Variants in GALNT13 observed in about 807,000 individuals in gnomAD.
GALNT13 encodes UDP-GalNAc:polypeptide N-acetylgalactosaminyltransferase 13.
Under a neutral mutation model 64.2 loss-of-function variants are expected in GALNT13, and 28 were observed. That is an observed-to-expected ratio of 0.44 (90% confidence interval 0.32 to 0.60). GALNT13 has a LOEUF of 0.60. Among genes scored for constraint, GALNT13 ranks in the 20% least tolerant of loss-of-function variants. GALNT13 has a pLI of 0.05. For synonymous variants in GALNT13, 214 were observed against 224.6 expected (o/e 0.95, Z 0.42); for missense variants, 577 against 669.8 (o/e 0.86, Z 1.53).
intron 3 of GALNT13, among the ~76,000 whole-genome samples, chr2:154,056,710 G>T (rs1191419574): frequency 6.6e-6 from 1 of 152,092 alleles, no homozygotes; most frequent in Non-Finnish European, 1.5e-5. Flanking sequence ...GGTTCCCTGA[G>T]TATGTTAGTA....
the GALNT13 span, among the ~76,000 whole-genome samples, chr2:153,841,680 TA>T: frequency 1.3e-5 from 2 of 152,156 alleles, no homozygotes; most frequent in African/African-American, 4.8e-5. Flanking sequence ...ACTCTCATAA[TA>T]TTTATTATAC....
the GALNT13 span, among the ~76,000 whole-genome samples, chr2:153,841,490 C>T: frequency 6.6e-6 from 1 of 152,152 alleles, no homozygotes; most frequent in African/African-American, 2.4e-5. Flanking sequence ...GAAACATACA[C>T]AGTCATCATA....
chr2:154,233,824 G>C (rs187142605), intron 4 of GALNT13, among the ~76,000 whole-genome samples: 1 of 152,046 alleles, frequency 6.6e-6, no homozygotes, highest in Admixed American at 6.6e-5. Context: ...TTAGTAGGAG[G>C]GGGTGCAAGA....
the GALNT13 span, among the ~76,000 whole-genome samples, chr2:153,332,203 C>A: frequency 6.6e-6 from 1 of 151,970 alleles, no homozygotes; most frequent in Non-Finnish European, 1.5e-5. Context: ...TTAGTTATTT[C>A]TTTTCTTCTG....
At chr2:153,787,905 G>A in the GALNT13 span, among the ~76,000 whole-genome samples, 38 of 152,024 alleles carry the variant, frequency 2.5e-4, no homozygotes, top group African/African-American at 8.9e-4. Context: ...GAACAGAAGG[G>A]AACAAGCAAA....
At chr2:154,397,723 T>G (rs1304768843) in intron 10 of GALNT13, among the ~76,000 whole-genome samples, 4 of 152,204 alleles carry the variant, frequency 2.6e-5, no homozygotes, top group Non-Finnish European at 5.9e-5. Flanking sequence ...ATTCATGCCT[T>G]ATTGTCCAAG....
At chr2:153,308,913 GA>G in the GALNT13 span, among the ~76,000 whole-genome samples, 1 of 152,042 alleles carries the variant, frequency 6.6e-6, no homozygotes, top group South Asian at 2.1e-4. Context: ...ATACAGGAGA[GA>G]AAGAGAAAAA....
At chr2:153,600,583 C>A in the GALNT13 span, among the ~76,000 whole-genome samples, 8 of 151,890 alleles carry the variant, frequency 5.3e-5, no homozygotes, top group Non-Finnish European at 1.0e-4. Context: ...ATTTGTGCTT[C>A]GTTTCTATGA....
the GALNT13 span, among the ~76,000 whole-genome samples, chr2:153,628,856 C>A: frequency 6.6e-6 from 1 of 152,036 alleles, no homozygotes. Context: ...TGATGCTGGC[C>A]TCATAAAATG....
the GALNT13 span, among the ~76,000 whole-genome samples, chr2:153,193,475 T>A: frequency 6.8e-6 from 1 of 147,440 alleles, no homozygotes; most frequent in Non-Finnish European, 1.5e-5. Context: ...AGGGATAGCA[T>A]TGGGAGATAT....
chr2:153,432,486 G>C, the GALNT13 span, among the ~76,000 whole-genome samples: 1 of 152,186 alleles, frequency 6.6e-6, no homozygotes, highest in African/African-American at 2.4e-5. Context: ...CACCTTTTCA[G>C]AAAGTATTTG....
At chr2:153,734,408 A>G in the GALNT13 span, among the ~76,000 whole-genome samples, 1 of 152,132 alleles carries the variant, frequency 6.6e-6, no homozygotes, top group Non-Finnish European at 1.5e-5. Flanking sequence ...CACAGATCTG[A>G]TAAGTCTAAT....
chr2:153,358,071 C>A, the GALNT13 span, among the ~76,000 whole-genome samples: 2 of 152,108 alleles, frequency 1.3e-5, no homozygotes, highest in African/African-American at 4.8e-5. Flanking sequence ...TACCCATGTG[C>A]TTGCAGTTCT....
At chr2:153,125,922 T>C in the GALNT13 span, among the ~76,000 whole-genome samples, 1 of 152,126 alleles carries the variant, frequency 6.6e-6, no homozygotes, top group African/African-American at 2.4e-5. Context: ...AGTGTGATGA[T>C]AACATAGAGA....
the GALNT13 span, among the ~76,000 whole-genome samples, chr2:153,533,717 G>GTTTTTTTTTTTTTT: frequency 1.7e-4 from 4 of 24,036 alleles, no homozygotes; most frequent in African/African-American, 1.8e-4. Flanking sequence ...ATATCCTGAG[G>GTTTTTTTTTTTTTT]TTTTTCTTTT....
intron 3 of GALNT13, among the ~76,000 whole-genome samples, chr2:154,017,279 T>A (rs1697073117): frequency 6.6e-6 from 1 of 152,156 alleles, no homozygotes; most frequent in South Asian, 2.1e-4. Context: ...AATACTGGCA[T>A]TATATTAGTT....
the GALNT13 span, among the ~76,000 whole-genome samples, chr2:153,079,642 C>T: frequency 6.6e-6 from 1 of 152,140 alleles, no homozygotes; most frequent in Non-Finnish European, 1.5e-5. Flanking sequence ...TGGGGTATAT[C>T]TGAACTGAGG....
At chr2:153,080,527 A>T in the GALNT13 span, among the ~76,000 whole-genome samples, 1 of 152,062 alleles carries the variant, frequency 6.6e-6, no homozygotes, top group Non-Finnish European at 1.5e-5. Flanking sequence ...TTTGGTATTG[A>T]TCTACCATTT....
chr2:153,324,511 C>T, the GALNT13 span, among the ~76,000 whole-genome samples: 82 of 152,174 alleles, frequency 5.4e-4, no homozygotes, highest in Non-Finnish European at 9.8e-4. Context: ...ATTGCCCTGG[C>T]CAGAACTTCC....
Sources: allele counts gnomAD v4.1 joint callset (sites outside exome capture counted in the v4.1 genomes callset), GRCh38; gene constraint gnomAD v4.1.1; transcripts MANE v1.5; gene names NCBI Gene and HGNC (gene_info 2026-07-23, HGNC 2026-07-21).